The following RNF168 variants were observed in gnomAD, a reference collection of about 807,000 sequenced individuals.
The protein encoded by RNF168 is ring finger protein 168.
In RNF168, 34 loss-of-function variants were observed where a neutral mutation model predicts 34.9. That is an observed-to-expected ratio of 0.97 (90% CI 0.74 to 1.30). The LOEUF (loss-of-function observed/expected upper bound fraction) is 1.30, where lower values mean the gene tolerates loss of function less well. Ranked by LOEUF, RNF168 falls within the 50% of genes most tolerant of loss-of-function variation. The probability of loss-of-function intolerance (pLI) is 0.00; values close to 1 mark genes in which losing one functional copy is unlikely to be tolerated. For missense variants in RNF168, 725 were observed against 682.5 expected (o/e 1.06, Z -0.69); for synonymous variants, 264 against 254.7 (o/e 1.04, Z -0.35).
At chr3:196,483,661 A>G in intron 4 of RNF168, 109 bp downstream of exon 4, 2 of 939,860 alleles carry the variant, frequency 2.1e-6, no homozygotes, top group South Asian at 2.6e-5. Context: ...GACTATTTTC[A>G]TACAAAGTTC....
intron 4 of RNF168, 101 bp from the exon 5 acceptor site, chr3:196,475,413 T>C (rs939182388): frequency 8.0e-6 from 6 of 748,326 alleles, no homozygotes; most frequent in Non-Finnish European, 1.4e-5. Context: ...GGTTTGCTGC[T>C]TGGCTGTTTT....
At chr3:196,483,582 G>A (rs990026777) in intron 4 of RNF168, among the ~76,000 whole-genome samples, 188 bp downstream of exon 4, 1 of 152,244 alleles carries the variant, frequency 6.6e-6, no homozygotes, top group African/African-American at 2.4e-5. Context: ...GCCACAGTAA[G>A]TGGCTGAGTG....
chr3:196,503,377 G>C lies in RNF168; in HGVS notation c.-204C>G. On this transcript the variant is annotated 5_prime_UTR_variant, in exon 1 of 6. Transcript: ENST00000318037. The stretch of plus-strand genomic sequence containing the variant: ...GTCAGGCAAACAGGAATACCCCGGA[G>C]GGCGGCGTCTTTGTCCATTTTCAAG... 1.7e-6 allele frequency: 1 copy of C among 602,824 alleles called. No homozygotes were observed. Among genetic ancestry groups the C allele is most frequent in the Non-Finnish European group, 3.0e-6 (1 of 338,906 alleles). The allele number at this position is 602,824 out of a possible 1,614,324, so 37.3% of individuals were successfully genotyped here.
chr3:196,485,749 C>T (rs967734815), intron 3 of RNF168, among the ~76,000 whole-genome samples: 22 of 151,592 alleles, frequency 1.5e-4, no homozygotes, highest in Non-Finnish European at 2.6e-4. Flanking sequence ...CCCAATTCTG[C>T]GTATACTCAT....
rs553761275 is a variant in RNF168 at position 196,503,245 on chromosome 3, A to G, written c.-72T>C. On this transcript the variant is annotated 5_prime_UTR_variant, in exon 1 of 6. Transcript: ENST00000318037. Reference sequence around the variant, plus strand: ...AAGAATCCTATTTTCGGCCAACCACAGAGAGAGCAAAAGCAGTTTTGTGTT... The same window carrying G: ...AAGAATCCTATTTTCGGCCAACCACGGAGAGAGCAAAAGCAGTTTTGTGTT... 1 of 1,369,614 alleles carries G rather than the reference A, an allele frequency of 7.3e-7. No individual in the cohort carries two copies. The highest frequency in any genetic ancestry group is 1.0e-6 in the Non-Finnish European group (1 of 964,140). The allele number at this position is 1,369,614 out of a possible 1,614,324, so 84.8% of individuals were successfully genotyped here. A position where few individuals can be genotyped will look rare whatever the true frequency, so the allele number is the denominator to read the frequency against.
intron 1 of RNF168, among the ~76,000 whole-genome samples, chr3:196,496,414 T>C (rs114328003): frequency 0.017 from 2,573 of 152,296 alleles, 23 homozygotes; most frequent in Non-Finnish European, 0.029. Flanking sequence ...CACGTGGTAC[T>C]CTGTGTCTTT....
Position 196,502,873 on chromosome 3 carries a change from C to G in RNF168, c.301G>C (p.Ala101Pro). Reference protein sequence around the residue: ...RASGQESEEVADDYQPVRLLS... With the variant: ...RASGQESEEVPDDYQPVRLLS... ...AACAAACACGCCATGGTTTACTCAC[C>G]CACTTCCTCTGATTCTTGGCCAGAC... The change falls in exon 1 of 6, where the codon GCT (alanine) becomes CCT (proline). Residue 101 changes from alanine (A) to proline (P), a missense_variant and splice_region_variant. By Grantham distance (27) the Ala-to-Pro change is conservative. Coordinates refer to ENST00000318037, the MANE Select transcript of RNF168 (RefSeq NM_152617.4). 1 of 1,613,200 alleles carries G rather than the reference C, an allele frequency of 6.2e-7. No individual in the cohort carries two copies. Among genetic ancestry groups the G allele is most frequent in the Non-Finnish European group, 8.5e-7 (1 of 1,179,188 alleles).
At chr3:196,492,267 G>A (rs548248841) in intron 1 of RNF168, among the ~76,000 whole-genome samples, 1 of 152,294 alleles carries the variant, frequency 6.6e-6, no homozygotes, top group East Asian at 1.9e-4. Context: ...GGAAGGCTGA[G>A]GCAGGAGGAC....
At chr3:196,473,764 A>C (rs1577507850) in intron 5 of RNF168, among the ~76,000 whole-genome samples, 1 of 152,052 alleles carries the variant, frequency 6.6e-6, no homozygotes, top group Non-Finnish European at 1.5e-5. Flanking sequence ...CTGAGGATGC[A>C]CCGAGCATCC....
intron 1 of RNF168, among the ~76,000 whole-genome samples, chr3:196,496,485 A>C (rs1185993916): frequency 6.6e-6 from 1 of 151,972 alleles, no homozygotes; most frequent in Non-Finnish European, 1.5e-5. Flanking sequence ...TTTATAAGGA[A>C]ACCAGTCATA....
intron 4 of RNF168, among the ~76,000 whole-genome samples, chr3:196,479,435 T>C (rs1182485424): frequency 6.6e-6 from 1 of 151,312 alleles, no homozygotes; most frequent in African/African-American, 2.4e-5. Context: ...CTCCCAAACA[T>C]CTGAGACCAC....
intron 1 of RNF168, among the ~76,000 whole-genome samples, chr3:196,498,222 A>C (rs1358253756): frequency 2.6e-5 from 4 of 152,112 alleles, no homozygotes; most frequent in Admixed American, 6.5e-5. Context: ...CAGTGGCGCG[A>C]TCTAGGCTCA....
intron 4 of RNF168, among the ~76,000 whole-genome samples, chr3:196,480,452 T>C (rs1219543722): frequency 1.3e-5 from 2 of 152,226 alleles, no homozygotes; most frequent in African/African-American, 4.8e-5. Flanking sequence ...CTAAACACTT[T>C]ATTGATTAGT....
In RNF168 at chr3:196,469,825, T is replaced by G. The variant is rs1731956606; in HGVS notation, c.*1994A>C. 1 of 152,224 alleles carries G rather than the reference T, an allele frequency of 6.6e-6. No homozygotes were observed. The highest frequency in any genetic ancestry group is 1.5e-5 in the Non-Finnish European group (1 of 68,042). 9.4% of individuals were successfully genotyped at this position (152,224 alleles called of 1,614,324 possible). ...TCAGGTTCCACAACATAAGACACTG[T>G]GAGGTAACTCTCCTGTAATACATTC... is the stretch of plus-strand genomic sequence containing the variant. On this transcript the variant is annotated 3_prime_UTR_variant, in exon 6 of 6. Transcript: ENST00000318037.
intron 1 of RNF168, among the ~76,000 whole-genome samples, chr3:196,492,323 AC>A (rs1384484249): frequency 1.3e-5 from 2 of 151,536 alleles, no homozygotes; most frequent in Non-Finnish European, 2.9e-5. Flanking sequence ...ACATAGCAAG[AC>A]CCCATCTTTG....
intron 1 of RNF168, among the ~76,000 whole-genome samples, chr3:196,501,325 A>C (rs1187108549): frequency 6.6e-6 from 1 of 152,248 alleles, no homozygotes; most frequent in Non-Finnish European, 1.5e-5. Flanking sequence ...GAAAAAAACC[A>C]ATGTCCAGCC....
rs1420437039 is a variant in RNF168 at position 196,488,638 on chromosome 3, A to G, written c.347T>C (p.Leu116Pro). Residue 116 changes from leucine to proline, a missense_variant, in exon 2 of 6, where the codon CTG becomes CCG. Physicochemically the swap from Leu to Pro is moderately conservative, Grantham distance 98 (BLOSUM62 -3). Coordinates refer to ENST00000318037, the MANE Select transcript of RNF168 (RefSeq NM_152617.4). ...TATTTCCTCTTCATATTCTCTTCTC[A>G]GTTCCCCAGGTTTACTGAGCAGACG... ...PVRLLSKPGE[L>P]RREYEEEISK... 6.2e-7 allele frequency: 1 copy of G among 1,608,450 alleles called. No homozygotes were observed. The highest frequency in any genetic ancestry group is 1.3e-5 in the African/African-American group (1 of 74,766).
At position 196,472,129 on chromosome 3, in the gene RNF168, C is replaced by T. The variant is rs777399147; in HGVS notation, c.1406G>A (p.Gly469Glu). ...KEQMVPNRQK[G>E]SPDEYHLRAT... The stretch of plus-strand genomic sequence containing the variant: ...GCGTAAGTGATACTCATCTGGGGAT[C>T]CTTTTTGCCGGTTTGGCACCATTTG... The change falls in exon 6 of 6, where the codon GGA (glycine) becomes GAA (glutamate). Residue 469 changes from glycine (G) to glutamate (E), a missense_variant. Transcript: ENST00000318037. The T allele has an allele frequency of 2.5e-6, 4 of 1,613,930 alleles. No individual in the cohort carries two copies. Among genetic ancestry groups the T allele is most frequent in the Non-Finnish European group, 3.4e-6 (4 of 1,180,016 alleles).
chr3:196,499,510 A>C (rs893648922), intron 1 of RNF168, among the ~76,000 whole-genome samples: 1 of 152,114 alleles, frequency 6.6e-6, no homozygotes, highest in Non-Finnish European at 1.5e-5. Flanking sequence ...GAACAGAAAA[A>C]ACTCATCTAT....
Sources: allele counts gnomAD v4.1 joint callset (sites outside exome capture counted in the v4.1 genomes callset), GRCh38; gene constraint gnomAD v4.1.1; transcripts MANE v1.5; gene names NCBI Gene and HGNC (gene_info 2026-07-23, HGNC 2026-07-21).